The following PCDHGA8 variants were observed in gnomAD, a reference collection of about 807,000 sequenced individuals.
The protein encoded by PCDHGA8 is protocadherin gamma-A8.
In PCDHGA8, 45 loss-of-function variants were observed where a neutral mutation model predicts 59.2. The ratio of observed to expected loss-of-function variants is 0.76; its 90% CI spans 0.60 to 0.98. PCDHGA8 has a LOEUF of 0.98. PCDHGA8 is among the 50% of genes least tolerant of loss of function. The pLI is 0.00. For missense variants in PCDHGA8, 1,257 were observed against 1,196.2 expected (o/e 1.05, Z -0.75); for synonymous variants, 531 against 519.0 (o/e 1.02, Z -0.32).
Position 141,476,247 on chromosome 5 carries a change from G to A in PCDHGA8, c.2425-18560G>A. The A allele has an allele frequency of 6.2e-7, 1 of 1,614,042 alleles. No individual in the cohort carries two copies. Among genetic ancestry groups the A allele is most frequent in the Non-Finnish European group, 8.5e-7 (1 of 1,180,010 alleles). Reference sequence around the variant, plus strand: ...GAGATCCCGGAGGAAAGAGAGAAGGGTTTCGCTGTGGGCAACGTGGTCGCG... The same window carrying A: ...GAGATCCCGGAGGAAAGAGAGAAGGATTTCGCTGTGGGCAACGTGGTCGCG... On this transcript the variant is annotated intron_variant, in intron 1 of 3. Transcript: ENST00000398604. This position sits in a 1 kb window ranked among gnomAD's most constrained non-coding sequence, Gnocchi z 7.6.
At chr5:141,492,505 C>A (rs1009723421) in intron 1 of PCDHGA8, among the ~76,000 whole-genome samples, 1 of 152,212 alleles carries the variant, frequency 6.6e-6, no homozygotes, top group Admixed American at 6.5e-5. Context: ...GACTCCGGAG[C>A]CTCCTCTCAC....
At chr5:141,456,700 C>T (rs1420857227) in intron 1 of PCDHGA8, among the ~76,000 whole-genome samples, 1 of 152,060 alleles carries the variant, frequency 6.6e-6, no homozygotes, top group Admixed American at 6.6e-5. Flanking sequence ...CGTGGTGGCT[C>T]GCGCCTGTAA....
intron 1 of PCDHGA8, among the ~76,000 whole-genome samples, chr5:141,460,653 G>A (rs10058370): frequency 0.17 from 25,559 of 151,914 alleles, 2,196 homozygotes; most frequent in South Asian, 0.22. Flanking sequence ...TTACACATAT[G>A]TAACTGTAAA....
intron 1 of PCDHGA8, among the ~76,000 whole-genome samples, chr5:141,475,237 G>C (rs2099360785): frequency 6.6e-6 from 1 of 152,234 alleles, no homozygotes. Flanking sequence ...AAACGATAGA[G>C]AGAGTGTGCT....
chr5:141,494,400 C>A (rs2099754045), intron 1 of PCDHGA8, among the ~76,000 whole-genome samples: 1 of 152,158 alleles, frequency 6.6e-6, no homozygotes, highest in African/African-American at 2.4e-5. Flanking sequence ...TAAATTCATT[C>A]TAGGGCTGGT....
chr5:141,489,042 A>T lies in PCDHGA8; in HGVS notation c.2425-5765A>T. On this transcript the variant is annotated intron_variant, in intron 1 of 3. Coordinates refer to ENST00000398604, the MANE Select transcript of PCDHGA8 (RefSeq NM_032088.2). This position sits in a 1 kb window ranked among gnomAD's most constrained non-coding sequence, Gnocchi z 4.5. ...TCTCCTCCTCCAGCTCCCCAGCTCCACTCAAATTCAGCTCCCCTCCCCCCT... is the reference window on the plus strand; with the variant it reads ...TCTCCTCCTCCAGCTCCCCAGCTCCTCTCAAATTCAGCTCCCCTCCCCCCT... The T allele has an allele frequency of 4.2e-6, 2 of 473,800 alleles. No individual in the cohort carries two copies. The highest frequency in any genetic ancestry group is 3.7e-6 in the Non-Finnish European group (1 of 270,920). 29.3% of individuals were successfully genotyped at this position (473,800 alleles called of 1,614,324 possible).
At chr5:141,500,473 T>C (rs911171031) in intron 2 of PCDHGA8, among the ~76,000 whole-genome samples, 10 of 152,132 alleles carry the variant, frequency 6.6e-5, no homozygotes, top group Admixed American at 4.6e-4. Flanking sequence ...CCTCCCAAAG[T>C]GCTGGGATTA....
At chr5:141,468,428 T>C (rs936671539) in intron 1 of PCDHGA8, 11 of 151,374 alleles carry the variant, frequency 7.3e-5, no homozygotes, top group Non-Finnish European at 1.3e-4. Context: ...AGCAAGGTAA[T>C]AGCAAAATGT....
rs2092900242 is a variant in PCDHGA8 at position 141,394,018 on chromosome 5, A to T, written c.1205A>T (p.Tyr402Phe). 1 of 1,613,496 alleles carries T rather than the reference A, an allele frequency of 6.2e-7. No homozygotes were observed. ...FKLEKSIGNY[Y>F]RLVTRKYLDR... is the part of the protein sequence containing the mutation. ...TTAGAAAAGTCAATAGGTAATTATT[A>T]TAGATTAGTGACAAGGAAATATTTG... is the stretch of plus-strand genomic sequence containing the variant. Residue 402 changes from tyrosine (Y) to phenylalanine (F), a missense_variant, in exon 1 of 4, where the codon TAT becomes TTT. Transcript: ENST00000398604.
At position 141,394,749 on chromosome 5, in the gene PCDHGA8, G is replaced by A. The variant is rs1270810324; in HGVS notation, c.1936G>A (p.Val646Ile). ...DALKQSLVVA[V>I]QDHGQPPLSA... The stretch of plus-strand genomic sequence containing the variant: ...GCTCAAGCAGAGCCTCGTGGTGGCC[G>A]TCCAGGACCATGGCCAGCCCCCTCT... The change falls in exon 1 of 4, where the codon GTC becomes ATC. Residue 646 changes from valine (V) to isoleucine (I), a missense_variant. Val to Ile is a conservative substitution (Grantham distance 29, BLOSUM62 3). Coordinates refer to ENST00000398604, the MANE Select transcript of PCDHGA8 (RefSeq NM_032088.2). 2 of 1,613,424 alleles carry A rather than the reference G, an allele frequency of 1.2e-6. No homozygotes were observed. The highest frequency in any genetic ancestry group is 8.5e-7 in the Non-Finnish European group (1 of 1,179,992).
rs922405350 is a variant in PCDHGA8, at chr5:141,512,227, T to C, written c.*1054T>C. 5 of 152,764 alleles carry C rather than the reference T, an allele frequency of 3.3e-5. No homozygotes were observed. The highest frequency in any genetic ancestry group is 1.2e-4 in the African/African-American group (5 of 41,552). 9.5% of individuals were successfully genotyped at this position (152,764 alleles called of 1,614,324 possible). On this transcript the variant is annotated 3_prime_UTR_variant, in exon 4 of 4. Transcript: ENST00000398604. ...AAGCAGGTTTAGGACCAGGTCCCCTTGAGAGGTCAGAGGGGCCTCTGTGGG... is the reference window on the plus strand; with the variant it reads ...AAGCAGGTTTAGGACCAGGTCCCCTCGAGAGGTCAGAGGGGCCTCTGTGGG...
chr5:141,481,619 A>T (rs1303171847), intron 1 of PCDHGA8, among the ~76,000 whole-genome samples: 1 of 152,128 alleles, frequency 6.6e-6, no homozygotes, highest in Non-Finnish European at 1.5e-5. Flanking sequence ...GGAGTTCAAG[A>T]CCGGCCTGGC....
chr5:141,423,766 C>A, intron 1 of PCDHGA8: 1 of 1,110,086 alleles, frequency 9.0e-7, no homozygotes, highest in Non-Finnish European at 1.1e-6. Context: ...GGGGGTGGGG[C>A]GGCATATATT....
intron 1 of PCDHGA8, among the ~76,000 whole-genome samples, chr5:141,481,730 G>C (rs778885944): frequency 6.6e-5 from 10 of 151,952 alleles, no homozygotes; most frequent in Non-Finnish European, 1.3e-4. Flanking sequence ...GAGGCGGGCG[G>C]ATCACGAGGT....
intron 1 of PCDHGA8, chr5:141,420,319 G>A (rs1393746531): frequency 7.0e-7 from 1 of 1,437,540 alleles, no homozygotes; most frequent in Non-Finnish European, 9.4e-7. Flanking sequence ...ATTACAATAT[G>A]CCAATATATT....
chr5:141,489,467 C>G lies in PCDHGA8; in HGVS notation c.2425-5340C>G. 1 of 1,614,076 alleles carries G rather than the reference C, an allele frequency of 6.2e-7. No individual in the cohort carries two copies. The highest frequency in any genetic ancestry group is 8.5e-7 in the Non-Finnish European group (1 of 1,180,026). Reference sequence around the variant, plus strand: ...TCTGAGGAGAATGGGCGCTATTTTTCCCTGAGCTTGATGAGTGGTGCCCTG... The same window carrying G: ...TCTGAGGAGAATGGGCGCTATTTTTGCCTGAGCTTGATGAGTGGTGCCCTG... On this transcript the variant is annotated intron_variant, in intron 1 of 3. Transcript: ENST00000398604. The surrounding 1 kb of genome is among the most constrained non-coding windows in gnomAD (Gnocchi z 4.5).
At chr5:141,410,177 A>G in intron 1 of PCDHGA8, 1 of 1,613,626 alleles carries the variant, frequency 6.2e-7, no homozygotes, top group Non-Finnish European at 8.5e-7. Context: ...TGCCACCGCC[A>G]CGCTTCATCT....
Position 141,489,454 on chromosome 5 carries a change from G to C in PCDHGA8, c.2425-5353G>C, listed in dbSNP as rs1177748773. 1 of 1,613,940 alleles carries C rather than the reference G, an allele frequency of 6.2e-7. No homozygotes were observed. The highest frequency in any genetic ancestry group is 1.3e-5 in the African/African-American group (1 of 74,906). On this transcript the variant is annotated intron_variant, in intron 1 of 3. Transcript: ENST00000398604. This position sits in a 1 kb window ranked among gnomAD's most constrained non-coding sequence, Gnocchi z 4.5. ...GCTGCAATTGGGCTCTGAGGAGAAT[G>C]GGCGCTATTTTTCCCTGAGCTTGAT...
rs754836894 is a variant in PCDHGA8, at chr5:141,432,969, C to A, written c.2424+37732C>A. 6.2e-7 allele frequency: 1 copy of A among 1,614,148 alleles called. No individual in the cohort carries two copies. Among genetic ancestry groups the A allele is most frequent in the East Asian group, 2.2e-5 (1 of 44,852 alleles). ...GGAGGCGGCTTGACAGGAGCGCCGG[C>A]GTCGCACTTTGTGGGCGTGGACGGG... is the stretch of plus-strand genomic sequence containing the variant. On this transcript the variant is annotated intron_variant, in intron 1 of 3. Coordinates refer to ENST00000398604, the MANE Select transcript of PCDHGA8 (RefSeq NM_032088.2). This position sits in a 1 kb window ranked among gnomAD's most constrained non-coding sequence, Gnocchi z 6.0.
Sources: gnomAD v4.1 joint callset for allele counts (sites outside exome capture counted in the v4.1 genomes callset) on GRCh38, gnomAD v4.1.1 for gene constraint, Gnocchi (gnomAD v3.1) non-coding constraint, MANE v1.5 for transcripts, NCBI Gene and HGNC (gene_info 2026-07-23, HGNC 2026-07-21) for gene names.